Variants in LRRC8C observed in about 807,000 individuals in gnomAD.
The protein encoded by LRRC8C is volume-regulated anion channel subunit LRRC8C.
A neutral mutation model predicts 55.3 loss-of-function variants in LRRC8C; 20 were observed. The ratio of observed to expected loss-of-function variants is 0.36; its 90% CI spans 0.25 to 0.53. The LOEUF is 0.53. Ranked by LOEUF, LRRC8C falls within the 20% of genes least tolerant of loss-of-function variation. The pLI is 0.92. For synonymous variants in LRRC8C, 376 were observed against 360.7 expected (o/e 1.04, Z -0.48); for missense variants, 659 against 951.4 (o/e 0.69, Z 4.04).
the LRRC8C span, among the ~76,000 whole-genome samples, chr1:89,624,095 C>G: frequency 1.3e-5 from 2 of 152,218 alleles, no homozygotes; most frequent in African/African-American, 2.4e-5. Context: ...AGCGAGAAAG[C>G]ACCTAACTCC....
chr1:89,702,322 A>G (rs1487562417), intron 2 of LRRC8C, among the ~76,000 whole-genome samples: 3 of 152,238 alleles, frequency 2.0e-5, no homozygotes, highest in South Asian at 4.1e-4. Context: ...AAGAAAGACT[A>G]TTAACAAAAT....
intron 1 of LRRC8C, among the ~76,000 whole-genome samples, chr1:89,680,015 A>C (rs969227171): frequency 1.3e-5 from 2 of 152,018 alleles, no homozygotes; most frequent in African/African-American, 4.8e-5. Context: ...GGAACATATT[A>C]TTTTAGGAAG....
At chr1:89,621,622 C>A in the LRRC8C span, among the ~76,000 whole-genome samples, 1 of 152,260 alleles carries the variant, frequency 6.6e-6, no homozygotes, top group Non-Finnish European at 1.5e-5. Flanking sequence ...AATGTGCCCA[C>A]CTGGGGAACC....
intron 2 of LRRC8C, among the ~76,000 whole-genome samples, chr1:89,711,085 TATAATCACC>T (rs1404648376): frequency 6.6e-6 from 1 of 152,242 alleles, no homozygotes; most frequent in Non-Finnish European, 1.5e-5. Flanking sequence ...CTGTCATCAC[TATAATCACC>T]ATCTTCATCT....
chr1:89,655,648 A>G (rs1490077501), intron 1 of LRRC8C, among the ~76,000 whole-genome samples: 2 of 152,082 alleles, frequency 1.3e-5, no homozygotes, highest in Admixed American at 6.5e-5. Flanking sequence ...AAGCCATCAC[A>G]TGGTGGAATG....
Position 89,714,273 on chromosome 1 carries a change from A to G in LRRC8C, c.1703A>G (p.Gln568Arg). ...QAVVDVSSHL[Q>R]KMCIHNDGTK... is the part of the protein sequence containing the mutation. ...GTGGTTGATGTTTCCAGCCATCTCC[A>G]GAAGATGTGCATACATAATGATGGC... Residue 568 changes from glutamine to arginine, a missense_variant, in exon 3 of 3, where the codon CAG becomes CGG. By Grantham distance (43) the Gln-to-Arg change is conservative (BLOSUM62 1). Transcript: ENST00000370454. This position sits in a 1 kb window ranked among gnomAD's most constrained non-coding sequence, Gnocchi z 4.6. 6.2e-7 allele frequency: 1 copy of G among 1,614,162 alleles called. No individual in the cohort carries two copies. Among genetic ancestry groups the G allele is most frequent in the Non-Finnish European group, 8.5e-7 (1 of 1,180,014 alleles).
chr1:89,671,815 A>G (rs1427910804), intron 1 of LRRC8C, among the ~76,000 whole-genome samples: 1 of 152,228 alleles, frequency 6.6e-6, no homozygotes, highest in East Asian at 1.9e-4. Context: ...TAACAGCCAC[A>G]TGCAAGGTGA....
intron 1 of LRRC8C, among the ~76,000 whole-genome samples, chr1:89,634,930 A>G (rs1477866320): frequency 6.6e-6 from 1 of 152,252 alleles, no homozygotes; most frequent in Non-Finnish European, 1.5e-5. Flanking sequence ...TGGTTCACAT[A>G]ATAGATTGGG....
chr1:89,652,815 T>G (rs1432413586), intron 1 of LRRC8C, among the ~76,000 whole-genome samples: 2 of 152,010 alleles, frequency 1.3e-5, no homozygotes, highest in Non-Finnish European at 2.9e-5. Flanking sequence ...GGGGAATCGT[T>G]GCAATATATA....
intron 2 of LRRC8C, among the ~76,000 whole-genome samples, chr1:89,701,242 C>T (rs1467560322): frequency 1.3e-5 from 2 of 152,020 alleles, no homozygotes; most frequent in Non-Finnish European, 2.9e-5. Context: ...TTTGGGAGGC[C>T]GAGGCAGGCG....
At chr1:89,630,359 G>C (rs1404527966), upstream of LRRC8C, among the ~76,000 whole-genome samples, 1 of 152,172 alleles carries the variant, frequency 6.6e-6, no homozygotes, top group Non-Finnish European at 1.5e-5. Flanking sequence ...AGAGATACAA[G>C]ATTTAAGCCC....
intron 2 of LRRC8C, among the ~76,000 whole-genome samples, chr1:89,701,550 T>G (rs1475588758): frequency 1.3e-5 from 2 of 152,038 alleles, no homozygotes; most frequent in Non-Finnish European, 2.9e-5. Flanking sequence ...AAGTAAGTAT[T>G]TTCATATGCT....
chr1:89,659,519 T>C (rs929320607), intron 1 of LRRC8C, among the ~76,000 whole-genome samples: 1 of 152,188 alleles, frequency 6.6e-6, no homozygotes, highest in African/African-American at 2.4e-5. Flanking sequence ...TAATGTAATA[T>C]GTATGATGCT....
Position 89,636,739 on chromosome 1 carries a change from C to A in LRRC8C, c.-5+3417C>A, listed in dbSNP as rs79943297. Among the ~76,000 whole-genome samples, 809 of 152,264 alleles carry A rather than the reference C, an allele frequency of 5.3e-3. 4 individuals carry two copies. Among genetic ancestry groups the A allele is most frequent in the Non-Finnish European group, 8.7e-3 (590 of 68,030 alleles). ...TTCCCTCCAGATCCTTGTCAGTTCA[C>A]TTATAATTCAGACAACACGTACCCC... On this transcript the variant is annotated intron_variant, in intron 1 of 2. Transcript: ENST00000370454.
At chr1:89,664,414 C>A (rs1657201229) in intron 1 of LRRC8C, among the ~76,000 whole-genome samples, 1 of 152,158 alleles carries the variant, frequency 6.6e-6, no homozygotes, top group South Asian at 2.1e-4. Flanking sequence ...TTCCCCATTT[C>A]TTATTTTTGT....
At chr1:89,694,437 T>C (rs1299120601) in intron 2 of LRRC8C, among the ~76,000 whole-genome samples, 1 of 152,104 alleles carries the variant, frequency 6.6e-6, no homozygotes, top group African/African-American at 2.4e-5. Context: ...TCAGCTCTGC[T>C]TCATTTTGTT....
chr1:89,692,423 T>C (rs1339934621), intron 2 of LRRC8C, among the ~76,000 whole-genome samples: 1 of 152,214 alleles, frequency 6.6e-6, no homozygotes, highest in Non-Finnish European at 1.5e-5. Flanking sequence ...GATATCTGTT[T>C]ACTCCTAAAA....
At chr1:89,682,374 A>G (rs1657740321) in intron 1 of LRRC8C, among the ~76,000 whole-genome samples, 1 of 152,190 alleles carries the variant, frequency 6.6e-6, no homozygotes, top group Non-Finnish European at 1.5e-5. Flanking sequence ...AGGTCTGTGA[A>G]GCAACTCAGA....
intron 1 of LRRC8C, among the ~76,000 whole-genome samples, chr1:89,675,580 T>G (rs2101249592): frequency 6.6e-6 from 1 of 152,354 alleles, no homozygotes; most frequent in East Asian, 1.9e-4. Context: ...AAGGAAGAGA[T>G]CAATGATCTT....
Sources: allele counts gnomAD v4.1 joint callset (sites outside exome capture counted in the v4.1 genomes callset), GRCh38; gene constraint gnomAD v4.1.1; non-coding constraint Gnocchi (gnomAD v3.1); transcripts MANE v1.5; gene names NCBI Gene and HGNC (gene_info 2026-07-23, HGNC 2026-07-21).